Variants in MAGI2 observed in about 807,000 individuals in gnomAD.
The protein encoded by MAGI2 is membrane associated guanylate kinase, WW and PDZ domain containing 2.
MAGI2 carries 35 observed loss-of-function variants against 133.3 expected under a neutral mutation model. The ratio of observed to expected loss-of-function variants is 0.26; its 90% CI spans 0.20 to 0.35. MAGI2 has a LOEUF of 0.35. MAGI2 is among the 10% of genes least tolerant of loss of function. The pLI, the probability that MAGI2 is intolerant of heterozygous loss-of-function variation, is 1.00. For missense variants in MAGI2, 1,636 were observed against 1,863.4 expected, an observed-to-expected ratio of 0.88 and a Z score of 2.25; for synonymous variants, 729 against 710.6, an observed-to-expected ratio of 1.03 and a Z score of -0.41.
intron 2 of MAGI2, among the ~76,000 whole-genome samples, chr7:78,900,901 A>G (rs546986713): frequency 2.3e-4 from 35 of 152,270 alleles, no homozygotes; most frequent in Non-Finnish European, 4.1e-4. Context: ...AGTTGCCTAC[A>G]AGTCCTGTGA....
intron 9 of MAGI2, among the ~76,000 whole-genome samples, chr7:78,327,492 G>A (rs912597156): frequency 6.6e-6 from 1 of 152,154 alleles, no homozygotes; most frequent in Non-Finnish European, 1.5e-5. Context: ...GCAGATGGTT[G>A]TGTTACCTCT....
At chr7:78,713,613 T>A (rs910763801) in intron 2 of MAGI2, among the ~76,000 whole-genome samples, 13 of 152,156 alleles carry the variant, frequency 8.5e-5, no homozygotes, top group Non-Finnish European at 1.9e-4. Flanking sequence ...CCATGAAACC[T>A]TGAATGGCGG....
chr7:78,417,405 T>G (rs1166546084), intron 6 of MAGI2, among the ~76,000 whole-genome samples: 4 of 152,112 alleles, frequency 2.6e-5, no homozygotes, highest in Non-Finnish European at 5.9e-5. Flanking sequence ...CACAGATCTC[T>G]CTGATAGCCT....
At chr7:79,323,610 A>T (rs772583496) in intron 1 of MAGI2, among the ~76,000 whole-genome samples, 7 of 152,222 alleles carry the variant, frequency 4.6e-5, no homozygotes, top group Non-Finnish European at 7.3e-5. Context: ...AAATTAAAAC[A>T]TTCAGAAAGA....
chr7:79,205,815 GT>G (rs1247332342), intron 1 of MAGI2, among the ~76,000 whole-genome samples: 1 of 151,178 alleles, frequency 6.6e-6, no homozygotes, highest in East Asian at 1.9e-4. Flanking sequence ...AAAATAACCT[GT>G]TATAACTATA....
At chr7:78,502,310 G>A (rs1794696358) in intron 4 of MAGI2, among the ~76,000 whole-genome samples, 1 of 152,168 alleles carries the variant, frequency 6.6e-6, no homozygotes, top group Admixed American at 6.5e-5. Flanking sequence ...TGGTCAAAGA[G>A]ATGCAATGTT....
intron 2 of MAGI2, among the ~76,000 whole-genome samples, chr7:78,633,283 A>G (rs1344472318): frequency 6.6e-6 from 1 of 152,120 alleles, no homozygotes; most frequent in Non-Finnish European, 1.5e-5. Context: ...AGGAGCAAAA[A>G]GATAACTATT....
At chr7:78,192,973 ACTGAAAAAGAAAG>A (rs1482522522) in intron 12 of MAGI2, among the ~76,000 whole-genome samples, 7 of 152,254 alleles carry the variant, frequency 4.6e-5, no homozygotes, top group Non-Finnish European at 8.8e-5. Context: ...CCAGAGGAGA[ACTGAAAAAGAAAG>A]CTCTGGAGGT....
chr7:78,256,631 G>T, intron 9 of MAGI2, 50 bp from the exon 10 acceptor site: 1 of 1,445,206 alleles, frequency 6.9e-7, no homozygotes, highest in Non-Finnish European at 9.6e-7. Flanking sequence ...AATTAACATT[G>T]ACATAGAGAA....
At chr7:78,075,845 C>G (rs1389969651) in intron 21 of MAGI2, among the ~76,000 whole-genome samples, 1 of 152,180 alleles carries the variant, frequency 6.6e-6, no homozygotes, top group African/African-American at 2.4e-5. Context: ...CTCAAAGATG[C>G]TATGATCCTT....
intron 6 of MAGI2, among the ~76,000 whole-genome samples, chr7:78,454,603 C>G (rs117960096): frequency 0.049 from 7,467 of 152,226 alleles, 256 homozygotes; most frequent in Non-Finnish European, 0.066. Flanking sequence ...TATGTCCACA[C>G]AAAAACCTGC....
At chr7:78,075,897 G>T (rs1198076112) in intron 21 of MAGI2, among the ~76,000 whole-genome samples, 1 of 152,154 alleles carries the variant, frequency 6.6e-6, no homozygotes, top group African/African-American at 2.4e-5. Flanking sequence ...TTTCAGCTTA[G>T]ATTTTGCCAG....
At chr7:78,200,932 TA>T (rs1317551667) in intron 11 of MAGI2, among the ~76,000 whole-genome samples, 3 of 152,164 alleles carry the variant, frequency 2.0e-5, no homozygotes, top group Non-Finnish European at 2.9e-5. Context: ...GTTCATTTTG[TA>T]AGTATATATT....
At chr7:78,218,122 G>T (rs1232123008) in intron 10 of MAGI2, among the ~76,000 whole-genome samples, 1 of 152,222 alleles carries the variant, frequency 6.6e-6, no homozygotes, top group African/African-American at 2.4e-5. Flanking sequence ...AAGTTTTCAA[G>T]AATATTTTAT....
At chr7:79,410,183 A>G (rs1846053060) in intron 1 of MAGI2, 1 of 152,072 alleles carries the variant, frequency 6.6e-6, no homozygotes, top group African/African-American at 2.4e-5. Flanking sequence ...TTTTCCACCA[A>G]TTTTGATGAA....
At chr7:78,710,905 T>C (rs963794968) in intron 2 of MAGI2, among the ~76,000 whole-genome samples, 3 of 152,192 alleles carry the variant, frequency 2.0e-5, no homozygotes, top group African/African-American at 7.2e-5. Context: ...TCTTACCATC[T>C]AGAAAATACT....
intron 21 of MAGI2, among the ~76,000 whole-genome samples, chr7:78,022,686 T>C (rs560394662): frequency 1.3e-5 from 2 of 152,340 alleles, no homozygotes; most frequent in South Asian, 4.1e-4. Context: ...TTACTACATA[T>C]CTGGCATTGA....
intron 1 of MAGI2, among the ~76,000 whole-genome samples, chr7:79,028,251 ATATATATATATATATAT>A (rs1562805142): frequency 4.1e-5 from 1 of 24,476 alleles, no homozygotes; most frequent in African/African-American, 1.1e-4. Context: ...ATATATATAT[ATATATATATATATATAT>A]GTATGTATGT....
At chr7:78,535,419 G>T (rs182659295) in intron 3 of MAGI2, among the ~76,000 whole-genome samples, 1 of 152,178 alleles carries the variant, frequency 6.6e-6, no homozygotes, top group African/African-American at 2.4e-5. Context: ...GCTGCAGGGT[G>T]TAAGATGGAT....
Sources: gnomAD v4.1 joint callset for allele counts (sites outside exome capture counted in the v4.1 genomes callset) on GRCh38, gnomAD v4.1.1 for gene constraint, MANE v1.5 for transcripts, NCBI Gene and HGNC (gene_info 2026-07-23, HGNC 2026-07-21) for gene names.